The following PCSK6 variants were observed in gnomAD, a reference collection of about 807,000 sequenced individuals.
PCSK6 encodes proprotein convertase subtilisin/kexin type 6.
PCSK6 carries 85 observed loss-of-function variants against 123.3 expected under a neutral mutation model. The observed-to-expected ratio is 0.69, with a 90% CI of 0.58 to 0.83. The LOEUF (loss-of-function observed/expected upper bound fraction) is 0.83, where lower values mean the gene tolerates loss of function less well. PCSK6 is among the 40% of genes least tolerant of loss of function. The pLI is 0.00. For synonymous variants in PCSK6, 508 were observed against 516.0 expected (o/e 0.98, Z 0.21); for missense variants, 1,191 against 1,282.3 (o/e 0.93, Z 1.09).
At chr15:101,375,245 G>A (rs1041649912) in intron 11 of PCSK6, among the ~76,000 whole-genome samples, 1 of 152,124 alleles carries the variant, frequency 6.6e-6, no homozygotes, top group Non-Finnish European at 1.5e-5. Context: ...GAGCCACGGC[G>A]CCCGGCCAAA....
chr15:101,331,181 G>A (rs1380182743), intron 15 of PCSK6, among the ~76,000 whole-genome samples: 2 of 152,234 alleles, frequency 1.3e-5, no homozygotes, highest in Admixed American at 1.3e-4. Context: ...GCCGCCTTGT[G>A]GAGTGAACTG....
chr15:101,461,751 T>C (rs1274996773), intron 1 of PCSK6, among the ~76,000 whole-genome samples: 1 of 152,152 alleles, frequency 6.6e-6, no homozygotes, highest in Non-Finnish European at 1.5e-5. Context: ...AGGAAAAGCA[T>C]TAGATAAAAT....
chr15:101,453,171 T>A (rs1024091119), intron 1 of PCSK6, among the ~76,000 whole-genome samples: 5 of 152,000 alleles, frequency 3.3e-5, no homozygotes, highest in Admixed American at 6.6e-5. Flanking sequence ...CTTCCTCCCA[T>A]CAAAGGAGGG....
At chr15:101,326,608 TGGACGGCCAGACGACAAGGC>T in intron 15 of PCSK6, 129 bp from the exon 16 acceptor site, 1 of 852,446 alleles carries the variant, frequency 1.2e-6, no homozygotes, top group Non-Finnish European at 1.8e-6. Context: ...CCGCTGGGGC[TGGACGGCCAGACGACAAGGC>T]GGGAGCAGCC....
intron 20 of PCSK6, among the ~76,000 whole-genome samples, chr15:101,311,317 G>A (rs1301451008): frequency 6.7e-6 from 1 of 149,816 alleles, no homozygotes; most frequent in African/African-American, 2.5e-5. Context: ...AGTAGAGAAG[G>A]GGTTTTGCCA....
Position 101,460,981 on chromosome 15 carries a change from T to C in PCSK6, c.298-17321A>G, listed in dbSNP as rs78946521. ...TGGGATTAAGCATCAAACTAAAAAG[T>C]TAAAAGAAAAAAAAATGAGAAGAAG... On this transcript the variant is annotated intron_variant, in intron 1 of 21. Transcript: ENST00000611716. Among the ~76,000 whole-genome samples, 29 of 151,458 alleles carry C rather than the reference T, an allele frequency of 1.9e-4. No homozygotes were observed. In the East Asian group the frequency reaches 5.2e-3, roughly 27 times the overall value.
At position 101,393,406 on chromosome 15, in the gene PCSK6, A is replaced by C. The variant is rs1481138119; in HGVS notation, c.1015T>G (p.Ser339Ala). The C allele has an allele frequency of 1.2e-6, 2 of 1,602,660 alleles. No individual in the cohort carries two copies. Among genetic ancestry groups the C allele is most frequent in the African/African-American group, 2.7e-5 (2 of 74,242 alleles). Residue 339 changes from serine to alanine, a missense_variant, in exon 8 of 22, where the codon TCC (serine) becomes GCC (alanine). Physicochemically the swap from Ser to Ala is moderately conservative, Grantham distance 99. Transcript: ENST00000611716. ...TTCCCAGATGCCCAGACGAAAATGG[A>C]GCCCAGGCCCTGCCGGCCCTGGAGG... Reference protein sequence around the residue: ...GIKKGRQGLGSIFVWASGNGG... With the variant: ...GIKKGRQGLGAIFVWASGNGG...
intron 1 of PCSK6, among the ~76,000 whole-genome samples, chr15:101,482,015 C>T (rs1473220173): frequency 6.6e-6 from 1 of 152,238 alleles, no homozygotes; most frequent in Non-Finnish European, 1.5e-5. Flanking sequence ...CATGTGCACG[C>T]ACCCGGTGGA....
rs74406484 is a variant in PCSK6, at chr15:101,387,374, C to T, written c.1310+2090G>A. ...AAGTTACTGCTGTGTGTCAGCAGGG[C>T]GTACTCGAAGACGGCTACAGCCAGT... On this transcript the variant is annotated intron_variant, in intron 9 of 21. Coordinates refer to ENST00000611716, the MANE Select transcript of PCSK6 (RefSeq NM_002570.5). Among the ~76,000 whole-genome samples the T allele has an allele frequency of 5.1e-3, 776 of 152,262 alleles. 6 individuals are homozygous for T. The highest frequency in any genetic ancestry group is 0.017 in the African/African-American group (725 of 41,540).
chr15:101,484,821 C>G (rs761042955), intron 1 of PCSK6, among the ~76,000 whole-genome samples: 3 of 151,860 alleles, frequency 2.0e-5, no homozygotes, highest in Non-Finnish European at 2.9e-5. Flanking sequence ...TCATTTCTAA[C>G]CACTGTAGAG....
At chr15:101,317,528 T>C (rs775007830) in intron 19 of PCSK6, among the ~76,000 whole-genome samples, 2 of 151,654 alleles carry the variant, frequency 1.3e-5, no homozygotes, top group Non-Finnish European at 2.9e-5. Context: ...TGAAAAAATG[T>C]TCAAAATAAG....
intron 1 of PCSK6, among the ~76,000 whole-genome samples, chr15:101,484,207 T>C (rs2057964009): frequency 6.6e-6 from 1 of 152,178 alleles, no homozygotes; most frequent in African/African-American, 2.4e-5. Flanking sequence ...CATAAGCGTG[T>C]GTTGTAAAGC....
chr15:101,331,671 G>A lies in PCSK6; in HGVS notation c.2057C>T (p.Ser686Phe), dbSNP rs1359080062. Reference protein sequence around the residue: ...EDYTAQSTPGSANILQTSVCH... With the variant: ...EDYTAQSTPGFANILQTSVCH... ...CTTACTGGTCTGTAAAATATTAGCA[G>A]AGCCTGGGGTGGATTGAGCTGTGTG... The change falls in exon 15 of 22, where the codon TCT becomes TTT. Residue 686 changes from serine to phenylalanine, a missense_variant. This residue lies in a region of PCSK6 where 630 missense variants were observed against 631.4 expected (regional missense o/e 1.00). Coordinates refer to ENST00000611716, the MANE Select transcript of PCSK6 (RefSeq NM_002570.5). The A allele has an allele frequency of 1.2e-6, 2 of 1,613,684 alleles. No individual in the cohort carries two copies. Among genetic ancestry groups the A allele is most frequent in the Non-Finnish European group, 1.7e-6 (2 of 1,179,706 alleles).
chr15:101,458,337 G>A (rs914308416), intron 1 of PCSK6, among the ~76,000 whole-genome samples: 6 of 152,172 alleles, frequency 3.9e-5, no homozygotes, highest in African/African-American at 1.4e-4. Context: ...CGCACATGTT[G>A]AAAGGGGTTT....
intron 20 of PCSK6, chr15:101,307,527 C>T: frequency 1.9e-6 from 1 of 530,992 alleles, no homozygotes; most frequent in Non-Finnish European, 3.4e-6. Context: ...CTCACTATTG[C>T]CCTGGGAGGG....
intron 6 of PCSK6, among the ~76,000 whole-genome samples, chr15:101,417,523 C>T (rs4965858): frequency 0.15 from 23,428 of 152,146 alleles, 2,067 homozygotes; most frequent in Non-Finnish European, 0.2. Flanking sequence ...TTATAAATCT[C>T]TTCTAAATAA....
chr15:101,389,678 G>A (rs1053580259), intron 8 of PCSK6, 114 bp from the exon 9 acceptor site: 15 of 764,158 alleles, frequency 2.0e-5, no homozygotes, highest in African/African-American at 3.5e-5. Flanking sequence ...CCTGGGTCTC[G>A]GGAACAAATA....
chr15:101,389,711 G>A lies in PCSK6; in HGVS notation c.1210-147C>T, dbSNP rs117171135. ...ATAAGGTGTTAGGCAAATGCATCTC[G>A]GCAACCACAGGTTTCCACAACATCT... is the stretch of plus-strand genomic sequence containing the variant. On this transcript the variant is annotated intron_variant, in intron 8 of 21. Transcript: ENST00000611716. The A allele has an allele frequency of 6.9e-3, 4,232 of 615,820 alleles. 21 individuals carry two copies. The highest frequency in any genetic ancestry group is 8.7e-3 in the Non-Finnish European group (2,997 of 346,228). 38.1% of individuals were successfully genotyped at this position (615,820 alleles called of 1,614,324 possible).
At chr15:101,469,043 T>C (rs1189589599) in intron 1 of PCSK6, among the ~76,000 whole-genome samples, 1 of 152,210 alleles carries the variant, frequency 6.6e-6, no homozygotes, top group Non-Finnish European at 1.5e-5. Flanking sequence ...AAAGTTCTCA[T>C]TTTGTCACTA....
Sources: gnomAD v4.1 joint callset for allele counts (sites outside exome capture counted in the v4.1 genomes callset) on GRCh38, gnomAD v4.1.1 for gene constraint, gnomAD v4.1.1 regional missense constraint, MANE v1.5 for transcripts, NCBI Gene and HGNC (gene_info 2026-07-23, HGNC 2026-07-21) for gene names.